VWA3B: variants seen among roughly 807,000 people sequenced by gnomAD.
The protein encoded by VWA3B is von Willebrand factor A domain containing 3B, also known as von Willebrand factor A domain-containing protein 3B.
A neutral mutation model predicts 158.3 loss-of-function variants in VWA3B; 138 were observed. The observed-to-expected ratio is 0.87, with a 90% CI of 0.76 to 1.00. The LOEUF (loss-of-function observed/expected upper bound fraction) is 1.00, where lower values mean the gene tolerates loss of function less well. VWA3B is among the 50% of genes least tolerant of loss of function. The probability of loss-of-function intolerance (pLI) is 0.00; values close to 1 mark genes in which losing one functional copy is unlikely to be tolerated. For missense variants in VWA3B, 1,555 were observed against 1,565.1 expected (o/e 0.99, Z 0.11); for synonymous variants, 596 against 587.3 (o/e 1.01, Z -0.21).
intron 8 of VWA3B, among the ~76,000 whole-genome samples, chr2:98,175,439 C>A (rs997692995): frequency 6.6e-6 from 1 of 152,074 alleles, no homozygotes; most frequent in African/African-American, 2.4e-5. Flanking sequence ...AAATGAGGAA[C>A]TGACTAGAGG....
chr2:98,304,554 C>G (rs1308010313), intron 26 of VWA3B, among the ~76,000 whole-genome samples: 2 of 152,166 alleles, frequency 1.3e-5, no homozygotes, highest in East Asian at 3.9e-4. Flanking sequence ...CGTCAAAGAA[C>G]CATCAGACAT....
At chr2:98,089,826 A>T (rs887343009) in intron 1 of VWA3B, among the ~76,000 whole-genome samples, 3 of 151,852 alleles carry the variant, frequency 2.0e-5, no homozygotes, top group East Asian at 1.9e-4. Context: ...CACTTTTTTT[A>T]AAAATTAATT....
intron 10 of VWA3B, among the ~76,000 whole-genome samples, chr2:98,188,984 G>A (rs1241581205): frequency 3.9e-5 from 6 of 152,080 alleles, no homozygotes; most frequent in Middle Eastern, 3.2e-3. Context: ...TGCCCAATGT[G>A]TTATACCTTT....
intron 14 of VWA3B, among the ~76,000 whole-genome samples, chr2:98,221,725 T>G (rs1441894948): frequency 1.3e-5 from 2 of 152,188 alleles, no homozygotes; most frequent in Non-Finnish European, 2.9e-5. Context: ...CTCTCATCCC[T>G]GAGTGGGCAG....
intron 26 of VWA3B, among the ~76,000 whole-genome samples, chr2:98,305,612 A>G (rs1330538586): frequency 6.6e-6 from 1 of 152,124 alleles, no homozygotes; most frequent in Non-Finnish European, 1.5e-5. Context: ...AGAGCTCCCC[A>G]CAAACCTGCT....
rs191920481 is a variant in VWA3B at position 98,131,654 on chromosome 2, T to C, written c.873-2170T>C. Among the ~76,000 whole-genome samples, 41 of 152,312 alleles carry C rather than the reference T, an allele frequency of 2.7e-4. No homozygotes were observed. The East Asian group carries it at 3.5e-3, about 13-fold the overall frequency. ...TAACAGCCCTCCTAACAGGGTAAGA[T>C]GGCATCTTGTTCTTAAGTGTAGGTG... On this transcript the variant is annotated intron_variant, in intron 6 of 27. Transcript: ENST00000477737.
chr2:98,321,163 A>G, the VWA3B span, among the ~76,000 whole-genome samples: 1 of 152,230 alleles, frequency 6.6e-6, no homozygotes, highest in South Asian at 2.1e-4. Context: ...GTGGGTGCAA[A>G]GAAGTCAAGA....
At chr2:98,191,962 T>C (rs1470986187) in intron 10 of VWA3B, among the ~76,000 whole-genome samples, 3 of 152,218 alleles carry the variant, frequency 2.0e-5, no homozygotes, top group Admixed American at 6.5e-5. Context: ...AGCTACGAAT[T>C]TCATTTATTT....
intron 8 of VWA3B, among the ~76,000 whole-genome samples, chr2:98,168,370 CACACAT>C (rs980880574): frequency 8.6e-5 from 10 of 116,384 alleles, no homozygotes; most frequent in African/African-American, 3.2e-4. Flanking sequence ...ATCTAATACA[CACACAT>C]ACACACACAC....
intron 8 of VWA3B, among the ~76,000 whole-genome samples, chr2:98,180,010 T>C (rs1478260888): frequency 6.9e-6 from 1 of 145,890 alleles, no homozygotes; most frequent in African/African-American, 2.5e-5. Context: ...TCCCTTTCTA[T>C]TTTCTTTCTT....
chr2:98,130,228 T>G (rs2105028248), intron 6 of VWA3B, among the ~76,000 whole-genome samples: 1 of 152,366 alleles, frequency 6.6e-6, no homozygotes, highest in South Asian at 2.1e-4. Context: ...GCAGTATTGC[T>G]GCCAGCTTGT....
chr2:98,279,229 A>G (rs1374980975), intron 22 of VWA3B, among the ~76,000 whole-genome samples: 1 of 152,188 alleles, frequency 6.6e-6, no homozygotes. Context: ...CCCAAACTCT[A>G]TTTTCTAAGA....
intron 22 of VWA3B, among the ~76,000 whole-genome samples, chr2:98,278,753 G>C (rs944853770): frequency 3.9e-5 from 6 of 152,292 alleles, no homozygotes; most frequent in African/African-American, 1.4e-4. Context: ...TACAGGATGG[G>C]GGGGTGGTGT....
rs546341932 is a variant in VWA3B, at chr2:98,185,629, G to A, written c.1312-2346G>A. On this transcript the variant is annotated intron_variant, in intron 9 of 27. Transcript: ENST00000477737. ...CAGGTGAGCTTGCTTCCTGTGTTGT[G>A]AACATCGACGGGAATGTCATGAGCT... Among the ~76,000 whole-genome samples the A allele has an allele frequency of 3.3e-5, 5 of 152,308 alleles. No homozygotes were observed. In the East Asian group the frequency reaches 5.8e-4, roughly 18 times the overall value.
intron 6 of VWA3B, among the ~76,000 whole-genome samples, chr2:98,129,928 G>C (rs1381169364): frequency 6.6e-6 from 1 of 152,092 alleles, no homozygotes; most frequent in Non-Finnish European, 1.5e-5. Flanking sequence ...AGTGTTTCTC[G>C]TTAGGTGGAA....
Position 98,312,669 on chromosome 2 carries a change from A to G in VWA3B, c.*320A>G, listed in dbSNP as rs1690984535. The G allele has an allele frequency of 3.6e-6, 1 of 275,840 alleles. No individual in the cohort carries two copies. Among genetic ancestry groups the G allele is most frequent in the African/African-American group, 2.2e-5 (1 of 46,136 alleles). The allele number at this position is 275,840 out of a possible 1,614,324, so 17.1% of individuals were successfully genotyped here. On this transcript the variant is annotated 3_prime_UTR_variant, in exon 28 of 28. Transcript: ENST00000477737. ...AGGATGACTGTCACAGGACTTTCAA[A>G]TTGTTTAGCAGTCAGCATAGTCAGG... is the stretch of plus-strand genomic sequence containing the variant.
chr2:98,312,152 A>G (rs772189746), intron 27 of VWA3B, 48 bp from the exon 28 acceptor site: 4 of 1,614,038 alleles, frequency 2.5e-6, no homozygotes, highest in Non-Finnish European at 3.4e-6. Flanking sequence ...GCTCCAGTGC[A>G]GCAAAGACCC....
intron 21 of VWA3B, 41 bp from the exon 22 acceptor site, chr2:98,270,641 G>C (rs780150901): frequency 3.8e-6 from 6 of 1,576,228 alleles, no homozygotes. Context: ...TTTGCTTTTT[G>C]TTTCTTCCTC....
In VWA3B at chr2:98,115,732, G is replaced by T. The variant is rs1338875996; in HGVS notation, c.277G>T (p.Gly93Cys). 3.1e-6 allele frequency: 5 copies of T among 1,613,130 alleles called. No homozygotes were observed. In the South Asian group the frequency reaches 5.5e-5, roughly 18 times the overall value. The change falls in exon 3 of 28, where the codon GGC (glycine) becomes TGC (cysteine). Residue 93 changes from glycine (G) to cysteine (C), a missense_variant. Physicochemically the swap from Gly to Cys is radical, Grantham distance 159. Transcript: ENST00000477737. ...TCCACAGCTCTACAGAGCAGAAGAT[G>T]GCAGAGTATACAATGTAAGTCAGAG... is the stretch of plus-strand genomic sequence containing the variant. ...LFPQLYRAED[G>C]RVYNLTAKSE... is the part of the protein sequence containing the mutation.
Sources: gnomAD v4.1 joint callset for allele counts (sites outside exome capture counted in the v4.1 genomes callset) on GRCh38, gnomAD v4.1.1 for gene constraint, MANE v1.5 for transcripts, NCBI Gene and HGNC (gene_info 2026-07-23, HGNC 2026-07-21) for gene names.